SERPINI1: variants seen among roughly 807,000 people sequenced by gnomAD.
SERPINI1 encodes serpin family I member 1, also known as neuroserpin.
A neutral mutation model predicts 41.1 loss-of-function variants in SERPINI1; 19 were observed. That is an observed-to-expected ratio of 0.46 (90% CI 0.32 to 0.68). The LOEUF is 0.68. SERPINI1 is among the 30% of genes least tolerant of loss of function. SERPINI1 has a pLI of 0.03. For synonymous variants in SERPINI1, 138 were observed against 156.6 expected, an observed-to-expected ratio of 0.88 and a Z score of 0.89; for missense variants, 460 against 479.2, an observed-to-expected ratio of 0.96 and a Z score of 0.37.
At chr3:167,776,532 C>T (rs1726974058) in intron 1 of SERPINI1, among the ~76,000 whole-genome samples, 1 of 152,118 alleles carries the variant, frequency 6.6e-6, no homozygotes, top group South Asian at 2.1e-4. Context: ...AATATCTTAG[C>T]TAAGGACACA....
At chr3:167,796,840 C>T (rs940659980) in intron 5 of SERPINI1, among the ~76,000 whole-genome samples, 1 of 151,950 alleles carries the variant, frequency 6.6e-6, no homozygotes, top group Non-Finnish European at 1.5e-5. Flanking sequence ...GTGCATGTAT[C>T]TTTATAATAG....
chr3:167,780,263 A>C (rs986236953), intron 1 of SERPINI1, among the ~76,000 whole-genome samples: 2 of 152,150 alleles, frequency 1.3e-5, no homozygotes, highest in Admixed American at 1.3e-4. Flanking sequence ...TTGAAAATGT[A>C]ATCTTAAAGC....
chr3:167,794,354 T>C (rs1727643903), intron 4 of SERPINI1, among the ~76,000 whole-genome samples: 1 of 152,202 alleles, frequency 6.6e-6, no homozygotes, highest in Non-Finnish European at 1.5e-5. Context: ...CTTGAATTTC[T>C]TTATATTCTA....
At chr3:167,765,925 C>T (rs1248957879) in intron 1 of SERPINI1, among the ~76,000 whole-genome samples, 1 of 152,164 alleles carries the variant, frequency 6.6e-6, no homozygotes, top group Non-Finnish European at 1.5e-5. Flanking sequence ...CTGCAGTTCC[C>T]AATAAGCTCA....
At chr3:167,804,444 A>T (rs1408512451) in intron 5 of SERPINI1, among the ~76,000 whole-genome samples, 1 of 152,182 alleles carries the variant, frequency 6.6e-6, no homozygotes, top group Admixed American at 6.5e-5. Flanking sequence ...AATCTGTATT[A>T]ATTAGGAGGC....
chr3:167,783,750 C>A (rs540763089), intron 1 of SERPINI1, among the ~76,000 whole-genome samples: 14 of 152,332 alleles, frequency 9.2e-5, no homozygotes, highest in Non-Finnish European at 1.5e-5. Context: ...AGGGAGCCAG[C>A]AACCAGCAAC....
intron 1 of SERPINI1, among the ~76,000 whole-genome samples, chr3:167,757,199 C>G (rs1726220156): frequency 6.6e-6 from 1 of 152,160 alleles, no homozygotes; most frequent in Non-Finnish European, 1.5e-5. Context: ...AAGCCTAGAG[C>G]TTTTTCTAAG....
chr3:167,784,771 A>G (rs1035112770), intron 1 of SERPINI1, among the ~76,000 whole-genome samples: 12 of 152,098 alleles, frequency 7.9e-5, no homozygotes, highest in Admixed American at 2.0e-4. Flanking sequence ...TCTTTACCAG[A>G]TTGGGGATTA....
At chr3:167,804,866 G>T (rs1371864594) in intron 5 of SERPINI1, among the ~76,000 whole-genome samples, 3 of 152,022 alleles carry the variant, frequency 2.0e-5, no homozygotes, top group Non-Finnish European at 2.9e-5. Flanking sequence ...TATGTTACAT[G>T]ATGCAGGCAT....
At chr3:167,782,090 A>T (rs886664229) in intron 1 of SERPINI1, among the ~76,000 whole-genome samples, 2 of 152,208 alleles carry the variant, frequency 1.3e-5, no homozygotes, top group Admixed American at 1.3e-4. Flanking sequence ...CTATTCTGGT[A>T]CTGCAGCCTC....
At chr3:167,777,407 G>C (rs1172704358) in intron 1 of SERPINI1, among the ~76,000 whole-genome samples, 2 of 152,144 alleles carry the variant, frequency 1.3e-5, no homozygotes, top group African/African-American at 4.8e-5. Context: ...GAAGAGGATT[G>C]ACCAGAGATT....
At chr3:167,819,788 G>A (rs903854474) in intron 6 of SERPINI1, among the ~76,000 whole-genome samples, 1 of 152,108 alleles carries the variant, frequency 6.6e-6, no homozygotes, top group African/African-American at 2.4e-5. Flanking sequence ...GCAACCTAAT[G>A]GGAAATCAAT....
At chr3:167,747,517 G>C (rs1420991450) in intron 1 of SERPINI1, among the ~76,000 whole-genome samples, 3 of 152,080 alleles carry the variant, frequency 2.0e-5, no homozygotes, top group Non-Finnish European at 2.9e-5. Context: ...GGCAGCGGGC[G>C]CCTGTGGTTC....
chr3:167,794,637 T>G lies in SERPINI1; in HGVS notation c.694T>G (p.Ser232Ala), dbSNP rs749782862. 6 of 1,613,486 alleles carry G rather than the reference T, an allele frequency of 3.7e-6. No individual in the cohort carries two copies. In the South Asian group the frequency reaches 5.5e-5, roughly 15 times the overall value. The stretch of plus-strand genomic sequence containing the variant: ...CTTTTTAGGGGAATTTAGTGATGGC[T>G]CCAATGAAGCTGGTGGTATCTACCA... ...EFYYGEFSDGSNEAGGIYQVL... is the reference protein window; with the variant it reads ...EFYYGEFSDGANEAGGIYQVL... The change falls in exon 5 of 9, where the codon TCC (serine) becomes GCC (alanine). Residue 232 changes from serine to alanine, a missense_variant. Transcript: ENST00000446050.
chr3:167,789,087 A>G (rs760741781), intron 1 of SERPINI1, 24 bp from the exon 2 acceptor site: 1 of 1,604,692 alleles, frequency 6.2e-7, no homozygotes, highest in Non-Finnish European at 8.5e-7. Flanking sequence ...ACTAATAATT[A>G]ATATGTAAAT....
At chr3:167,766,186 C>G (rs1339759024) in intron 1 of SERPINI1, among the ~76,000 whole-genome samples, 1 of 148,176 alleles carries the variant, frequency 6.7e-6, no homozygotes, top group African/African-American at 2.5e-5. Flanking sequence ...CATTTTCATG[C>G]TGCTGATAAA....
intron 1 of SERPINI1, among the ~76,000 whole-genome samples, chr3:167,744,848 T>C (rs9874621): frequency 0.29 from 32,665 of 112,600 alleles, 4,578 homozygotes; most frequent in African/African-American, 0.45. Flanking sequence ...TATATATAAC[T>C]ATAGTTATAT....
chr3:167,784,418 A>G (rs992467499), intron 1 of SERPINI1, among the ~76,000 whole-genome samples: 1 of 152,188 alleles, frequency 6.6e-6, no homozygotes, highest in African/African-American at 2.4e-5. Context: ...GGCTGAATGA[A>G]TGGCTAATGG....
intron 1 of SERPINI1, among the ~76,000 whole-genome samples, chr3:167,755,526 A>G (rs1726166020): frequency 6.6e-6 from 1 of 152,250 alleles, no homozygotes; most frequent in African/African-American, 2.4e-5. Flanking sequence ...AGGTTAAGCA[A>G]TTCAGAGAGA....
Sources: gnomAD v4.1 joint callset for allele counts (sites outside exome capture counted in the v4.1 genomes callset) on GRCh38, gnomAD v4.1.1 for gene constraint, MANE v1.5 for transcripts, NCBI Gene and HGNC (gene_info 2026-07-23, HGNC 2026-07-21) for gene names.